CLHC1: variants seen among roughly 807,000 people sequenced by gnomAD.
CLHC1 encodes the protein clathrin heavy chain linker domain containing 1, also known as clathrin heavy chain linker domain-containing protein 1.
CLHC1 carries 72 observed loss-of-function variants against 69.5 expected under a neutral mutation model. The observed-to-expected ratio is 1.04, with a 90% CI of 0.86 to 1.26. The LOEUF (loss-of-function observed/expected upper bound fraction) is 1.26. Among genes scored for constraint, CLHC1 ranks in the 50% most tolerant of loss-of-function variants. The pLI, the probability that CLHC1 is intolerant of heterozygous loss-of-function variation, is 0.00. For missense variants in CLHC1, 790 were observed against 679.3 expected, an observed-to-expected ratio of 1.16 and a Z score of -1.81; for synonymous variants, 223 against 224.3, an observed-to-expected ratio of 0.99 and a Z score of 0.05.
chr2:55,179,470 A>G (rs1164018313), intron 11 of CLHC1, among the ~76,000 whole-genome samples: 1 of 152,194 alleles, frequency 6.6e-6, no homozygotes, highest in Non-Finnish European at 1.5e-5. Context: ...AAAAACAACA[A>G]CATAGATTCT....
chr2:55,198,174 A>C (rs967438113), intron 9 of CLHC1, among the ~76,000 whole-genome samples: 18 of 152,238 alleles, frequency 1.2e-4, no homozygotes, highest in African/African-American at 3.6e-4. Context: ...AAAGAGAATA[A>C]AAAAGAATAA....
Position 55,175,590 on chromosome 2 carries a change from A to G in CLHC1, c.*200T>C. The G allele has an allele frequency of 1.9e-6, 1 of 521,984 alleles. No individual in the cohort carries two copies. Among genetic ancestry groups the G allele is most frequent in the Non-Finnish European group, 3.4e-6 (1 of 295,230 alleles). 32.3% of individuals were successfully genotyped at this position (521,984 alleles called of 1,614,324 possible). A position where few individuals can be genotyped will look rare whatever the true frequency, so the allele number is the denominator to read the frequency against. On this transcript the variant is annotated 3_prime_UTR_variant, in exon 13 of 13. Transcript: ENST00000401408. ...GATTTTATCAAGATTCAATATAAGA[A>G]ATGACCATATGGGGAAAAGGAAGCA...
At chr2:55,185,873 G>A (rs571300493) in intron 9 of CLHC1, among the ~76,000 whole-genome samples, 36 of 152,244 alleles carry the variant, frequency 2.4e-4, no homozygotes, top group African/African-American at 8.4e-4. Flanking sequence ...TAGAAGTTCT[G>A]CTTCTACCAA....
chr2:55,191,761 T>G (rs1166678329), intron 9 of CLHC1, among the ~76,000 whole-genome samples: 2 of 151,380 alleles, frequency 1.3e-5, no homozygotes, highest in Admixed American at 6.6e-5. Context: ...AATATTCAAT[T>G]AATCCAAAAG....
intron 9 of CLHC1, among the ~76,000 whole-genome samples, chr2:55,192,270 C>G (rs763089246): frequency 6.6e-6 from 1 of 152,070 alleles, no homozygotes; most frequent in South Asian, 2.1e-4. Context: ...CAGGCACTCA[C>G]CACCATGCCC....
intron 3 of CLHC1, among the ~76,000 whole-genome samples, chr2:55,220,272 T>A (rs771593157): frequency 3.3e-5 from 5 of 152,194 alleles, no homozygotes; most frequent in Non-Finnish European, 7.3e-5. Flanking sequence ...ACTTTTATCT[T>A]CTGCCCAACT....
At chr2:55,209,297 A>G (rs1672753040) in intron 7 of CLHC1, 107 bp downstream of exon 7, 1 of 666,832 alleles carries the variant, frequency 1.5e-6, no homozygotes, top group Non-Finnish European at 2.6e-6. Context: ...CAGCTGAAGT[A>G]TGATCTTGCT....
rs1025852696 is a variant in CLHC1, at chr2:55,210,206, A to T, written c.500-375T>A. On this transcript the variant is annotated intron_variant, in intron 5 of 12. Transcript: ENST00000401408. ...TTTATTTTATTTTATTTTTATTTTTATTTTTTTTGAGATGGAGTCGCACTC... is the reference window on the plus strand; with the variant it reads ...TTTATTTTATTTTATTTTTATTTTTTTTTTTTTTGAGATGGAGTCGCACTC... Among the ~76,000 whole-genome samples, 5 of 150,120 alleles carry T rather than the reference A, an allele frequency of 3.3e-5. No homozygotes were observed. The South Asian group carries it at 8.4e-4, about 25-fold the overall frequency.
chr2:55,185,497 C>A (rs1670337696), intron 9 of CLHC1, among the ~76,000 whole-genome samples: 1 of 152,102 alleles, frequency 6.6e-6, no homozygotes, highest in Admixed American at 6.5e-5. Flanking sequence ...TTTTGAATTT[C>A]CAGAGAACTT....
intron 7 of CLHC1, 102 bp downstream of exon 7, chr2:55,209,302 C>A (rs1483666386): frequency 1.5e-6 from 1 of 687,068 alleles, no homozygotes; most frequent in Admixed American, 2.8e-5. Flanking sequence ...GAAGTATGAT[C>A]TTGCTTTATT....
rs779946660 is a variant in CLHC1 at position 55,212,822 on chromosome 2, G to C, written c.366-16C>G. 6.4e-7 allele frequency: 1 copy of C among 1,574,300 alleles called. No individual in the cohort carries two copies. The highest frequency in any genetic ancestry group is 8.7e-7 in the Non-Finnish European group (1 of 1,145,084). On this transcript the variant is annotated splice_polypyrimidine_tract_variant and intron_variant, in intron 4 of 12. Transcript: ENST00000401408. ...AATCCTCATTCTGGAAAACAGAAAG[G>C]CTTTCTTATGTCTTTCAACTAACTT...
chr2:55,200,702 G>A (rs147979607), intron 9 of CLHC1, among the ~76,000 whole-genome samples: 5 of 152,258 alleles, frequency 3.3e-5, no homozygotes, highest in South Asian at 2.1e-4. Context: ...TTTACAGAAC[G>A]TATCACCCAA....
chr2:55,214,827 A>T (rs1055649005), intron 4 of CLHC1: 1 of 152,264 alleles, frequency 6.6e-6, no homozygotes, highest in Non-Finnish European at 1.5e-5. Context: ...ATGAATGGAT[A>T]AACAAAATGT....
rs745572225 is a variant in CLHC1 at position 55,175,851 on chromosome 2, G to A, written c.1700C>T (p.Ala567Val). Residue 567 changes from alanine (A) to valine (V), a missense_variant, in exon 13 of 13, where the codon GCA becomes GTA. Ala to Val is a moderately conservative substitution (Grantham distance 64). Transcript: ENST00000401408. Reference protein sequence around the residue: ...DITSILRSQAAVTEISEEDDA... With the variant: ...DITSILRSQAVVTEISEEDDA... ...ATCCTCTTCAGAAATTTCTGTAACT[G>A]CAGCCTGAGATCGAAGAATAGACGT... The A allele has an allele frequency of 1.2e-6, 2 of 1,613,824 alleles. No homozygotes were observed. The highest frequency in any genetic ancestry group is 1.1e-5 in the South Asian group (1 of 91,072).
chr2:55,180,776 T>C (rs1473458195), intron 10 of CLHC1, 64 bp from the exon 11 acceptor site: 1 of 1,354,632 alleles, frequency 7.4e-7, no homozygotes, highest in Non-Finnish European at 1.0e-6. Context: ...GAGACTGAAA[T>C]ATTTGAAAAT....
At chr2:55,211,558 A>AGAT (rs1673015884) in intron 5 of CLHC1, among the ~76,000 whole-genome samples, 11 of 151,942 alleles carry the variant, frequency 7.2e-5, no homozygotes. Flanking sequence ...ATGAAACACA[A>AGAT]GATGATTATT....
chr2:55,214,927 T>C (rs1231700942), intron 4 of CLHC1: 2 of 152,246 alleles, frequency 1.3e-5, no homozygotes, highest in Non-Finnish European at 2.9e-5. Flanking sequence ...ATCTAATTTT[T>C]GCTGCTTTCT....
upstream of CLHC1, chr2:55,232,453 A>G: frequency 3.0e-6 from 1 of 334,816 alleles, no homozygotes; most frequent in East Asian, 7.1e-5. Context: ...TGTACGGGAA[A>G]AGCCTTTTTA....
At chr2:55,200,334 C>T (rs6545479) in intron 9 of CLHC1, among the ~76,000 whole-genome samples, 146,830 of 150,348 alleles carry the variant, frequency 0.98, 71,730 homozygotes, top group African/African-American at 0.99. Context: ...AGACTGAAAA[C>T]ACAGGAATGG....
Sources: gnomAD v4.1 joint callset for allele counts (sites outside exome capture counted in the v4.1 genomes callset) on GRCh38, gnomAD v4.1.1 for gene constraint, MANE v1.5 for transcripts, NCBI Gene and HGNC (gene_info 2026-07-23, HGNC 2026-07-21) for gene names.